RRM2: variants seen among roughly 807,000 people sequenced by gnomAD.
The protein encoded by RRM2 is ribonucleotide reductase regulatory subunit M2, also known as ribonucleoside-diphosphate reductase subunit M2.
RRM2 carries 6 observed loss-of-function variants against 45.9 expected under a neutral mutation model. The observed-to-expected ratio is 0.13, with a 90% CI of 0.07 to 0.26. The LOEUF is 0.26. Ranked by LOEUF, RRM2 falls within the 10% of genes least tolerant of loss-of-function variation. The pLI is 1.00. For missense variants in RRM2, 343 were observed against 489.5 expected (o/e 0.70, Z 2.82); for synonymous variants, 177 against 173.0 (o/e 1.02, Z -0.18).
intron 3 of RRM2, among the ~76,000 whole-genome samples, chr2:10,178,109 G>A (rs559402554): frequency 6.6e-6 from 1 of 151,380 alleles, no homozygotes; most frequent in Non-Finnish European, 1.5e-5. Flanking sequence ...CGTATTCGTA[G>A]TAGAGACGGG....
chr2:10,124,091 C>T, intron 4 of RRM2: 1 of 489,260 alleles, frequency 2.0e-6, no homozygotes, highest in South Asian at 2.4e-5. Context: ...TCTTTGTGGC[C>T]ACCACATCTG....
chr2:10,183,812 A>G (rs1664107926), intron 3 of RRM2, among the ~76,000 whole-genome samples: 1 of 140,430 alleles, frequency 7.1e-6, no homozygotes, highest in Non-Finnish European at 1.5e-5. Context: ...AAAAAAGGCC[A>G]GGTGCGGTGG....
chr2:10,170,460 G>A (rs1663776926), intron 3 of RRM2, among the ~76,000 whole-genome samples: 1 of 152,132 alleles, frequency 6.6e-6, no homozygotes, highest in Non-Finnish European at 1.5e-5. Context: ...AGTCATGAAT[G>A]CTAGGGGGCA....
chr2:10,173,039 G>A (rs2125322870), intron 3 of RRM2, among the ~76,000 whole-genome samples: 1 of 152,340 alleles, frequency 6.6e-6, no homozygotes, highest in East Asian at 1.9e-4. Context: ...GCACTCGGCA[G>A]TGTGGACTCT....
At position 10,171,154 on chromosome 2, in the gene RRM2, G is replaced by A. The variant is rs942104704; in HGVS notation, n.482+28779G>A. ...CACAGACCCCAGGCATCGAGCCTGC[G>A]ATGGGGCAACGTGTGGTGTGGAGGC... On this transcript the variant is annotated intron_variant and non_coding_transcript_variant, in intron 3 of 3. Transcript: ENST00000381786. This position sits in a 1 kb window ranked among gnomAD's most constrained non-coding sequence, Gnocchi z 4.1. 1.3e-5 allele frequency among the ~76,000 whole-genome samples: 2 copies of A among 152,218 alleles called. No homozygotes were observed. Among genetic ancestry groups the A allele is most frequent in the Non-Finnish European group, 2.9e-5 (2 of 68,038 alleles).
At chr2:10,152,858 T>C (rs566821000) in intron 3 of RRM2, among the ~76,000 whole-genome samples, 1 of 152,270 alleles carries the variant, frequency 6.6e-6, no homozygotes, top group East Asian at 1.9e-4. Flanking sequence ...GGGGTGTCGA[T>C]TGGTACAGCC....
At chr2:10,144,879 G>A (rs1384092963) in intron 3 of RRM2, among the ~76,000 whole-genome samples, 1 of 152,170 alleles carries the variant, frequency 6.6e-6, no homozygotes, top group Non-Finnish European at 1.5e-5. Flanking sequence ...GGGAAGGGCG[G>A]GGAGGCATGA....
At chr2:10,198,452 G>A (rs1163577967) in intron 3 of RRM2, 1 of 151,744 alleles carries the variant, frequency 6.6e-6, no homozygotes, top group Non-Finnish European at 1.5e-5. Context: ...GCCCAGCCTG[G>A]AGTGCAGTGG....
At chr2:10,125,184 G>C (rs1475760891) in intron 5 of RRM2, among the ~76,000 whole-genome samples, 1 of 152,172 alleles carries the variant, frequency 6.6e-6, no homozygotes, top group African/African-American at 2.4e-5. Flanking sequence ...TAGAATGTGG[G>C]GCTGCAGTGG....
chr2:10,140,254 GA>G (rs1373551036), upstream of RRM2, among the ~76,000 whole-genome samples: 1 of 151,334 alleles, frequency 6.6e-6, no homozygotes, highest in Admixed American at 6.6e-5. Flanking sequence ...CTCTAAAAAA[GA>G]AAAGAAAAAA....
intron 3 of RRM2, among the ~76,000 whole-genome samples, chr2:10,165,861 A>C (rs1663668074): frequency 6.6e-6 from 1 of 152,246 alleles, no homozygotes; most frequent in African/African-American, 2.4e-5. Context: ...CCCTGTGCAC[A>C]TGCCCCGTGG....
At chr2:10,177,017 G>A (rs1023738379) in intron 3 of RRM2, among the ~76,000 whole-genome samples, 4 of 152,100 alleles carry the variant, frequency 2.6e-5, no homozygotes, top group Admixed American at 6.6e-5. Context: ...AGGCCGAGGC[G>A]GGTGGATCAC....
intron 7 of RRM2, among the ~76,000 whole-genome samples, chr2:10,128,367 G>C (rs1662826725): frequency 6.6e-6 from 1 of 152,198 alleles, no homozygotes; most frequent in Non-Finnish European, 1.5e-5. Context: ...CTTGTAGGAG[G>C]GCCTTCCTTA....
At chr2:10,168,742 C>T (rs1485128087) in intron 3 of RRM2, among the ~76,000 whole-genome samples, 1 of 148,910 alleles carries the variant, frequency 6.7e-6, no homozygotes, top group Non-Finnish European at 1.5e-5. Flanking sequence ...TTTTCTTTTC[C>T]ATTTATCCAG....
intron 3 of RRM2, among the ~76,000 whole-genome samples, chr2:10,186,096 T>C (rs911891371): frequency 5.3e-5 from 8 of 152,370 alleles, no homozygotes; most frequent in Admixed American, 2.0e-4. Context: ...TCAGTTGTTA[T>C]AATCAATGAA....
Position 10,171,684 on chromosome 2 carries a change from T to A in RRM2, n.482+29309T>A, listed in dbSNP as rs1350697219. Among the ~76,000 whole-genome samples the A allele has an allele frequency of 6.6e-6, 1 of 152,178 alleles. No homozygotes were observed. Among genetic ancestry groups the A allele is most frequent in the Non-Finnish European group, 1.5e-5 (1 of 68,028 alleles). On this transcript the variant is annotated intron_variant and non_coding_transcript_variant, in intron 3 of 3. Transcript: ENST00000381786. The surrounding 1 kb of genome is among the most constrained non-coding windows in gnomAD (Gnocchi z 4.1). ...GACACGGATGCCACCCCAGGACCCCTGGCATAGGGAGCCGAGCAGGGCAGC... is the reference window on the plus strand; with the variant it reads ...GACACGGATGCCACCCCAGGACCCCAGGCATAGGGAGCCGAGCAGGGCAGC...
At chr2:10,142,498 C>A in intron 3 of RRM2, 1 of 1,040,680 alleles carries the variant, frequency 9.6e-7, no homozygotes, top group Non-Finnish European at 1.3e-6. Context: ...CCTGCCAGGT[C>A]GGAAATCCAG....
rs1164683256 is a variant in RRM2 at position 10,124,756 on chromosome 2, C to T, written c.475C>T (p.Arg159Cys). The T allele has an allele frequency of 1.9e-6, 3 of 1,612,052 alleles. No individual in the cohort carries two copies. Among genetic ancestry groups the T allele is most frequent in the Non-Finnish European group, 2.5e-6 (3 of 1,179,698 alleles). The change falls in exon 5 of 10, where the codon CGC (arginine) becomes TGC (cysteine). Residue 159 changes from arginine (R) to cysteine (C), a missense_variant. Arg to Cys is a radical substitution (Grantham distance 180). Coordinates refer to ENST00000304567, the MANE Select transcript of RRM2 (RefSeq NM_001034.4). ...FSQEVQITEA[R>C]CFYGFQIAME... is the part of the protein sequence containing the mutation. ...CCAAGAAGTTCAGATTACAGAAGCC[C>T]GCTGTTTCTATGGCTTCCAAATTGC...
chr2:10,170,154 C>T (rs1451288462), intron 3 of RRM2, among the ~76,000 whole-genome samples: 1 of 152,214 alleles, frequency 6.6e-6, no homozygotes, highest in African/African-American at 2.4e-5. Flanking sequence ...AGCACCTGCA[C>T]CTGCCAGAAC....
Sources: allele counts gnomAD v4.1 joint callset (sites outside exome capture counted in the v4.1 genomes callset), GRCh38; gene constraint gnomAD v4.1.1; non-coding constraint Gnocchi (gnomAD v3.1); transcripts MANE v1.5; gene names NCBI Gene and HGNC (gene_info 2026-07-23, HGNC 2026-07-21).